The following SAMMSON variants were observed in gnomAD, a reference collection of about 807,000 sequenced individuals.
The protein encoded by SAMMSON is survival associated mitochondrial melanoma specific oncogenic non-coding RNA.
chr3:70,191,002 C>T (rs763364790), intron 4 of SAMMSON, among the ~76,000 whole-genome samples: 8 of 152,172 alleles, frequency 5.3e-5, no homozygotes, highest in Non-Finnish European at 1.2e-4. Flanking sequence ...TAATTGGACA[C>T]GTTAATGCAG....
intron 9 of SAMMSON, among the ~76,000 whole-genome samples, chr3:70,383,345 A>AAC: frequency 9.5e-6 from 1 of 105,638 alleles, no homozygotes; most frequent in Non-Finnish European, 2.0e-5. Context: ...TTAAAATAAA[A>AAC]ATAAAAAAAA....
chr3:70,198,847 C>G (rs1289546711), intron 4 of SAMMSON, among the ~76,000 whole-genome samples: 1 of 152,168 alleles, frequency 6.6e-6, no homozygotes, highest in East Asian at 1.9e-4. Context: ...TCTCCCATAT[C>G]TCATAAGTCA....
At chr3:70,147,487 A>T (rs577743175) in intron 4 of SAMMSON, among the ~76,000 whole-genome samples, 1 of 152,212 alleles carries the variant, frequency 6.6e-6, no homozygotes, top group Non-Finnish European at 1.5e-5. Flanking sequence ...ACTGGAATAT[A>T]GTCCAGAAAT....
chr3:70,414,963 T>C (rs1424063084), intron 2 of SAMMSON, among the ~76,000 whole-genome samples: 1 of 151,774 alleles, frequency 6.6e-6, no homozygotes, highest in Admixed American at 6.6e-5. Flanking sequence ...CGCAACTTTA[T>C]AGCAGAGGAG....
intron 3 of SAMMSON, among the ~76,000 whole-genome samples, chr3:70,042,697 C>T (rs1269133269): frequency 1.3e-5 from 2 of 152,080 alleles, no homozygotes; most frequent in Non-Finnish European, 2.9e-5. Flanking sequence ...CCAACAGAAT[C>T]CACCTTGACA....
At chr3:70,262,633 G>A (rs986951481) in intron 6 of SAMMSON, among the ~76,000 whole-genome samples, 1 of 152,168 alleles carries the variant, frequency 6.6e-6, no homozygotes, top group African/African-American at 2.4e-5. Flanking sequence ...TTCAAAGCAA[G>A]CAGTCATTGA....
chr3:70,126,166 G>T (rs2067457663), intron 4 of SAMMSON: 3 of 1,203,904 alleles, frequency 2.5e-6, no homozygotes, highest in South Asian at 1.3e-5. Context: ...ATTAAGAAAA[G>T]TCAGCCCATG....
chr3:70,169,766 G>T (rs2067654567), intron 4 of SAMMSON, among the ~76,000 whole-genome samples: 1 of 151,434 alleles, frequency 6.6e-6, no homozygotes. Flanking sequence ...GAGTTAGACT[G>T]GTTTGGAAGG....
At chr3:70,217,493 G>T (rs1205102710) in intron 4 of SAMMSON, among the ~76,000 whole-genome samples, 2 of 152,086 alleles carry the variant, frequency 1.3e-5, no homozygotes, top group Admixed American at 1.3e-4. Context: ...GGAGAAGTTT[G>T]TCTATGCTCT....
intron 4 of SAMMSON, among the ~76,000 whole-genome samples, chr3:70,197,940 T>A (rs1337980427): frequency 6.6e-6 from 1 of 152,190 alleles, no homozygotes; most frequent in Non-Finnish European, 1.5e-5. Flanking sequence ...TCTAAGGCAT[T>A]GAAGGTAACT....
intron 6 of SAMMSON, among the ~76,000 whole-genome samples, chr3:70,282,478 C>T (rs2106683122): frequency 6.6e-6 from 1 of 152,344 alleles, no homozygotes; most frequent in African/African-American, 2.4e-5. Context: ...GCAAGGCCTG[C>T]TATGATTGGG....
At chr3:70,108,421 TCC>T (rs1559792595) in intron 4 of SAMMSON, among the ~76,000 whole-genome samples, 13 of 140,588 alleles carry the variant, frequency 9.2e-5, no homozygotes, top group Admixed American at 2.9e-4. Context: ...CTCTTGCGGT[TCC>T]TTTTTTTTTT....
intron 2 of SAMMSON, among the ~76,000 whole-genome samples, chr3:70,429,294 C>T (rs1206851703): frequency 1.3e-5 from 2 of 152,158 alleles, no homozygotes; most frequent in Admixed American, 6.5e-5. Flanking sequence ...GGTGTTATTT[C>T]TGAGGCCTCT....
At chr3:70,122,957 T>C (rs573506167) in intron 4 of SAMMSON, among the ~76,000 whole-genome samples, 1 of 152,370 alleles carries the variant, frequency 6.6e-6, no homozygotes, top group East Asian at 1.9e-4. Context: ...GTGTGTTTTT[T>C]GCAGTGAGGA....
chr3:70,410,092 G>T (rs953661207), intron 2 of SAMMSON, among the ~76,000 whole-genome samples: 4 of 152,076 alleles, frequency 2.6e-5, no homozygotes, highest in African/African-American at 9.7e-5. Context: ...CAAGCCTCAG[G>T]CTTCTGAACT....
chr3:70,290,237 T>C (rs1168450159), intron 6 of SAMMSON, among the ~76,000 whole-genome samples: 1 of 152,194 alleles, frequency 6.6e-6, no homozygotes, highest in East Asian at 1.9e-4. Flanking sequence ...GATGGGTTTT[T>C]GGTGTGGATG....
intron 6 of SAMMSON, among the ~76,000 whole-genome samples, chr3:70,290,581 G>A (rs1392759134): frequency 2.0e-5 from 3 of 152,224 alleles, no homozygotes; most frequent in Non-Finnish European, 4.4e-5. Context: ...GCTGTGGTGG[G>A]CTCCACCCAG....
At chr3:70,020,376 A>G (rs1163764405) in intron 3 of SAMMSON, among the ~76,000 whole-genome samples, 1 of 152,208 alleles carries the variant, frequency 6.6e-6, no homozygotes, top group Non-Finnish European at 1.5e-5. Flanking sequence ...GACCTCTCCT[A>G]GGAAATGACC....
chr3:70,122,008 G>T (rs1372684479), intron 4 of SAMMSON, among the ~76,000 whole-genome samples: 4 of 151,966 alleles, frequency 2.6e-5, no homozygotes, highest in Non-Finnish European at 4.4e-5. Flanking sequence ...GACAGACCTG[G>T]GATATAATAA....
Sources: gnomAD v4.1 joint callset for allele counts (sites outside exome capture counted in the v4.1 genomes callset) on GRCh38, gnomAD v4.1.1 for gene constraint, MANE v1.5 for transcripts, NCBI Gene and HGNC (gene_info 2026-07-23, HGNC 2026-07-21) for gene names.